The following GRID1 variants were observed in gnomAD, a reference collection of about 807,000 sequenced individuals.
GRID1 encodes glutamate ionotropic receptor delta type subunit 1.
Under a neutral mutation model 98.0 loss-of-function variants are expected in GRID1, and 28 were observed. The observed-to-expected ratio is 0.29, with a 90% CI of 0.21 to 0.39. GRID1 has a LOEUF of 0.39. GRID1 is among the 10% of genes least tolerant of loss of function. The pLI is 1.00. For synonymous variants in GRID1, 553 were observed against 538.5 expected (o/e 1.03, Z -0.37); for missense variants, 1,111 against 1,340.5 (o/e 0.83, Z 2.67).
At position 86,200,559 on chromosome 10, in the gene GRID1, G is replaced by A. The variant is rs530615628; in HGVS notation, c.520+5805C>T. 8.5e-5 allele frequency among the ~76,000 whole-genome samples: 13 copies of A among 152,280 alleles called. No homozygotes were observed. In the East Asian group the frequency reaches 2.5e-3, roughly 30 times the overall value. On this transcript the variant is annotated intron_variant, in intron 3 of 15. Coordinates refer to ENST00000327946, the MANE Select transcript of GRID1 (RefSeq NM_017551.3). ...ATCTGCCCTCCATATAGAGAGGGAG[G>A]TTTCAGCAGGAAAATTTCTTTCTGA...
chr10:86,207,453 C>T (rs1337544709), intron 2 of GRID1, among the ~76,000 whole-genome samples: 1 of 152,146 alleles, frequency 6.6e-6, no homozygotes, highest in African/African-American at 2.4e-5. Flanking sequence ...ACAAGTTCTC[C>T]TGTAACTGCA....
intron 8 of GRID1, among the ~76,000 whole-genome samples, chr10:85,792,451 A>G (rs184272739): frequency 6.6e-6 from 1 of 152,198 alleles, no homozygotes; most frequent in African/African-American, 2.4e-5. Context: ...GCTGCACTTC[A>G]TAAGTCATCA....
At chr10:86,198,103 C>T (rs1424817446) in intron 3 of GRID1, among the ~76,000 whole-genome samples, 1 of 152,104 alleles carries the variant, frequency 6.6e-6, no homozygotes, top group East Asian at 1.9e-4. Context: ...ATTAAAGTAA[C>T]ATTTGCCCCG....
intron 4 of GRID1, among the ~76,000 whole-genome samples, chr10:85,995,653 T>C (rs4478924): frequency 0.75 from 113,896 of 152,148 alleles, 42,907 homozygotes; most frequent in South Asian, 0.85. Flanking sequence ...ATTCAAAGAA[T>C]ACCAAACTGG....
At chr10:85,857,954 G>A (rs1002655952) in intron 6 of GRID1, among the ~76,000 whole-genome samples, 4 of 152,158 alleles carry the variant, frequency 2.6e-5, no homozygotes, top group African/African-American at 9.7e-5. Flanking sequence ...TAGGTGGCGC[G>A]AACTCTCCAG....
chr10:86,078,764 C>T (rs560085724), intron 4 of GRID1, among the ~76,000 whole-genome samples: 78 of 152,322 alleles, frequency 5.1e-4, no homozygotes, highest in Non-Finnish European at 6.3e-4. Context: ...CCCCAGCCTT[C>T]TCCATGGAAC....
intron 8 of GRID1, among the ~76,000 whole-genome samples, chr10:85,812,875 T>C (rs1006929605): frequency 1.3e-5 from 2 of 151,632 alleles, no homozygotes; most frequent in African/African-American, 2.4e-5. Flanking sequence ...TACACACACA[T>C]ATGTGTGTAT....
At chr10:85,621,055 T>C (rs1369509598) in intron 13 of GRID1, among the ~76,000 whole-genome samples, 1 of 152,174 alleles carries the variant, frequency 6.6e-6, no homozygotes, top group African/African-American at 2.4e-5. Flanking sequence ...CAATTCTAAC[T>C]TTGCCTGGAG....
intron 8 of GRID1, among the ~76,000 whole-genome samples, chr10:85,746,452 C>G (rs1456998405): frequency 6.6e-6 from 1 of 152,144 alleles, no homozygotes; most frequent in Non-Finnish European, 1.5e-5. Flanking sequence ...TAACCTCACC[C>G]CTCTCCCTTC....
At chr10:85,677,657 T>C (rs943983487) in intron 12 of GRID1, among the ~76,000 whole-genome samples, 1 of 152,230 alleles carries the variant, frequency 6.6e-6, no homozygotes. Flanking sequence ...GTACTCTCAA[T>C]ACTTTTCTGG....
chr10:86,057,652 A>C (rs1286837037), intron 4 of GRID1, among the ~76,000 whole-genome samples: 1 of 152,036 alleles, frequency 6.6e-6, no homozygotes, highest in Admixed American at 6.6e-5. Flanking sequence ...CACTTGGTTC[A>C]GTTTTCCCAC....
chr10:85,677,059 T>A (rs1374497433), intron 12 of GRID1, among the ~76,000 whole-genome samples: 1 of 152,138 alleles, frequency 6.6e-6, no homozygotes, highest in East Asian at 1.9e-4. Flanking sequence ...GATTCTAAAC[T>A]CTCTTGATGA....
chr10:86,056,218 G>C (rs1843570312), intron 4 of GRID1, among the ~76,000 whole-genome samples: 1 of 152,170 alleles, frequency 6.6e-6, no homozygotes, highest in African/African-American at 2.4e-5. Flanking sequence ...GAATTCCAAG[G>C]CTGGAAACAG....
chr10:86,170,658 C>T (rs538748260), intron 3 of GRID1, among the ~76,000 whole-genome samples: 3 of 152,212 alleles, frequency 2.0e-5, no homozygotes, highest in Non-Finnish European at 4.4e-5. Flanking sequence ...CCTACACACA[C>T]AAACACACCC....
At chr10:85,886,869 C>T (rs1164196215) in intron 5 of GRID1, among the ~76,000 whole-genome samples, 1 of 152,144 alleles carries the variant, frequency 6.6e-6, no homozygotes, top group Admixed American at 6.6e-5. Flanking sequence ...TATTATTAAA[C>T]ATTTATATAA....
chr10:85,791,052 A>G (rs1842475306), intron 8 of GRID1, among the ~76,000 whole-genome samples: 1 of 152,166 alleles, frequency 6.6e-6, no homozygotes, highest in African/African-American at 2.4e-5. Flanking sequence ...ATCCCTAGCG[A>G]TGGCCACCCA....
At chr10:86,155,938 A>T (rs1845238226) in intron 3 of GRID1, among the ~76,000 whole-genome samples, 1 of 152,198 alleles carries the variant, frequency 6.6e-6, no homozygotes, top group African/African-American at 2.4e-5. Flanking sequence ...AAGGGTGACC[A>T]TGCCTGCTGA....
intron 12 of GRID1, among the ~76,000 whole-genome samples, chr10:85,666,940 G>A (rs576995903): frequency 1.3e-5 from 2 of 152,238 alleles, no homozygotes; most frequent in East Asian, 1.9e-4. Flanking sequence ...AGGCCTGACC[G>A]AGTTGAGCCC....
At chr10:86,063,745 T>C (rs527813824) in intron 4 of GRID1, among the ~76,000 whole-genome samples, 18 of 152,358 alleles carry the variant, frequency 1.2e-4, no homozygotes, top group African/African-American at 3.4e-4. Flanking sequence ...TACTTCCATA[T>C]TTATAAAATA....
Sources: allele counts gnomAD v4.1 joint callset (sites outside exome capture counted in the v4.1 genomes callset), GRCh38; gene constraint gnomAD v4.1.1; transcripts MANE v1.5; gene names NCBI Gene and HGNC (gene_info 2026-07-23, HGNC 2026-07-21).